The following IL1RAPL2 variants were observed in gnomAD, a reference collection of about 807,000 sequenced individuals.
The protein encoded by IL1RAPL2 is X-linked interleukin-1 receptor accessory protein-like 2.
In IL1RAPL2, 3 loss-of-function variants were observed where a neutral mutation model predicts 44.1. The ratio of observed to expected loss-of-function variants is 0.07; its 90% CI spans 0.03 to 0.18. The LOEUF (loss-of-function observed/expected upper bound fraction) is 0.18, where lower values mean the gene tolerates loss of function less well. Among genes scored for constraint, IL1RAPL2 ranks in the 10% least tolerant of loss-of-function variants. The probability of loss-of-function intolerance (pLI) is 1.00; values close to 1 mark genes in which losing one functional copy is unlikely to be tolerated. For missense variants in IL1RAPL2, 391 were observed against 496.4 expected (o/e 0.79, Z 2.02); for synonymous variants, 181 against 178.8 (o/e 1.01, Z -0.10).
chrX:105,159,207 G>A (rs2033299036), intron 2 of IL1RAPL2, among the ~76,000 whole-genome samples: 2 of 112,694 alleles, frequency 1.8e-5, no homozygotes, highest in South Asian at 3.6e-4. Flanking sequence ...AAGTGGATCA[G>A]CCTTTTCCAG....
At chrX:105,740,094 G>A (rs1180129645) in intron 7 of IL1RAPL2, among the ~76,000 whole-genome samples, 3 of 108,967 alleles carry the variant, frequency 2.8e-5, no homozygotes, top group Non-Finnish European at 5.7e-5. Context: ...TTTCTCTGAT[G>A]GCCAGTGATG....
chrX:105,149,091 G>A lies in IL1RAPL2; in HGVS notation c.83-46384G>A, dbSNP rs192655275. Among the ~76,000 whole-genome samples the A allele has an allele frequency of 1.5e-4, 17 of 112,052 alleles. 1 individual carries two copies. Among genetic ancestry groups the A allele is most frequent in the Admixed American group, 1.1e-3 (12 of 10,584 alleles). On this transcript the variant is annotated intron_variant, in intron 2 of 10. Transcript: ENST00000372582. ...GGTCACCAGATGCACATGTTCTTTG[G>A]CTCTGTATACAAGGCTTTTAAAAAC...
chrX:105,342,640 T>G (rs1263119770), intron 5 of IL1RAPL2, among the ~76,000 whole-genome samples: 1 of 112,077 alleles, frequency 8.9e-6, no homozygotes, highest in African/African-American at 3.2e-5. Flanking sequence ...ATTTAATCAT[T>G]AATGAACCAG....
chrX:105,458,715 C>T (rs1343263064), intron 5 of IL1RAPL2, among the ~76,000 whole-genome samples: 1 of 111,610 alleles, frequency 9.0e-6, no homozygotes, highest in African/African-American at 3.3e-5. Context: ...TGGTGTCACC[C>T]GAGGCATCTG....
At chrX:105,670,142 T>TATATATAA (rs1365896538) in intron 6 of IL1RAPL2, among the ~76,000 whole-genome samples, 3 of 52,975 alleles carry the variant, frequency 5.7e-5, no homozygotes, top group African/African-American at 2.2e-4. Context: ...TATATATATA[T>TATATATAA]ATATATCTCC....
chrX:105,460,548 G>C (rs1210175114), intron 5 of IL1RAPL2, among the ~76,000 whole-genome samples: 3 of 110,636 alleles, frequency 2.7e-5, no homozygotes, highest in Non-Finnish European at 5.7e-5. Flanking sequence ...CGTAAATAAT[G>C]GCATGCTGTT....
At chrX:105,583,641 TTTC>T (rs1340301561) in intron 6 of IL1RAPL2, among the ~76,000 whole-genome samples, 3 of 112,149 alleles carry the variant, frequency 2.7e-5, no homozygotes, top group East Asian at 5.6e-4. Flanking sequence ...ATAAATCATG[TTTC>T]TTCTTCTTTT....
chrX:105,182,153 G>A (rs782421003), intron 2 of IL1RAPL2, among the ~76,000 whole-genome samples: 2 of 110,878 alleles, frequency 1.8e-5, no homozygotes, highest in African/African-American at 6.5e-5. Flanking sequence ...AGATCCATTT[G>A]TTTAAGGTCC....
At chrX:104,962,579 C>T (rs1174778743) in intron 2 of IL1RAPL2, among the ~76,000 whole-genome samples, 1 of 111,981 alleles carries the variant, frequency 8.9e-6, no homozygotes, top group Non-Finnish European at 1.9e-5. Flanking sequence ...ACTAAAGGTG[C>T]AATGCTAAAT....
At chrX:105,557,741 C>A (rs770311451) in intron 6 of IL1RAPL2, among the ~76,000 whole-genome samples, 10 of 110,941 alleles carry the variant, frequency 9.0e-5, no homozygotes, top group Admixed American at 4.8e-4. Context: ...GAGGGAGAGT[C>A]GCCCTCCCCA....
chrX:105,756,315 T>G (rs772022649), intron 10 of IL1RAPL2, among the ~76,000 whole-genome samples: 1 of 112,012 alleles, frequency 8.9e-6, no homozygotes, highest in East Asian at 2.8e-4. Flanking sequence ...TATATCCTCA[T>G]GCTGAGGAAG....
chrX:105,602,608 A>G (rs140456350), intron 6 of IL1RAPL2, among the ~76,000 whole-genome samples: 2,173 of 110,444 alleles, frequency 0.02, 23 homozygotes, highest in Admixed American at 0.048. Context: ...AATAGATTCA[A>G]CCAAAACAGG....
At chrX:105,138,561 G>T (rs1053300956) in intron 2 of IL1RAPL2, among the ~76,000 whole-genome samples, 2 of 106,723 alleles carry the variant, frequency 1.9e-5, no homozygotes, top group African/African-American at 6.8e-5. Flanking sequence ...GAGGAAGAAA[G>T]AACTCCTTTG....
intron 6 of IL1RAPL2, among the ~76,000 whole-genome samples, chrX:105,514,709 C>T (rs1046172191): frequency 9.0e-6 from 1 of 111,465 alleles, no homozygotes; most frequent in African/African-American, 3.3e-5. Flanking sequence ...ACTACTGTGG[C>T]CCAGTGGGAT....
chrX:105,046,821 C>CT (rs5903258), intron 2 of IL1RAPL2, among the ~76,000 whole-genome samples: 31,803 of 76,704 alleles, frequency 0.41, 5,279 homozygotes, highest in South Asian at 0.64. Flanking sequence ...AAGCACTAAC[C>CT]TTTTTTTTTT....
chrX:105,552,670 A>G (rs759188104), intron 6 of IL1RAPL2, among the ~76,000 whole-genome samples: 75 of 111,914 alleles, frequency 6.7e-4, no homozygotes, highest in Non-Finnish European at 1.3e-3. Context: ...TGGAACCCAT[A>G]TGCTGAAGGT....
At chrX:105,659,084 G>T (rs1361908491) in intron 6 of IL1RAPL2, among the ~76,000 whole-genome samples, 1 of 110,685 alleles carries the variant, frequency 9.0e-6, no homozygotes, top group Non-Finnish European at 1.9e-5. Flanking sequence ...CTGAGATCAT[G>T]CCATTGTGCT....
intron 6 of IL1RAPL2, among the ~76,000 whole-genome samples, chrX:105,552,340 C>T (rs1049897514): frequency 1.8e-5 from 2 of 111,968 alleles, no homozygotes; most frequent in African/African-American, 6.5e-5. Flanking sequence ...TATTCTTAAA[C>T]GTATAACAAG....
intron 6 of IL1RAPL2, among the ~76,000 whole-genome samples, chrX:105,704,189 C>G (rs901506289): frequency 8.9e-6 from 1 of 111,928 alleles, no homozygotes; most frequent in Non-Finnish European, 1.9e-5. Flanking sequence ...GTCTTATATA[C>G]AACAACAGGC....
Sources: gnomAD v4.1 joint callset for allele counts (sites outside exome capture counted in the v4.1 genomes callset) on GRCh38, gnomAD v4.1.1 for gene constraint, MANE v1.5 for transcripts, NCBI Gene and HGNC (gene_info 2026-07-23, HGNC 2026-07-21) for gene names.